Variants in DHRS3 observed in about 807,000 individuals in gnomAD.
The protein encoded by DHRS3 is short-chain dehydrogenase/reductase 3.
A neutral mutation model predicts 27.2 loss-of-function variants in DHRS3; 14 were observed. That is an observed-to-expected ratio of 0.52 (90% CI 0.34 to 0.81). The LOEUF (loss-of-function observed/expected upper bound fraction) is 0.81, where lower values mean the gene tolerates loss of function less well. Among genes scored for constraint, DHRS3 ranks in the 30% least tolerant of loss-of-function variants. DHRS3 has a pLI of 0.01. For missense variants in DHRS3, 322 were observed against 406.2 expected (o/e 0.79, Z 1.78); for synonymous variants, 165 against 175.9 (o/e 0.94, Z 0.49).
chr1:12,569,149 G>A (rs4525052), intron 5 of DHRS3, among the ~76,000 whole-genome samples: 23,988 of 151,824 alleles, frequency 0.16, 2,111 homozygotes, highest in East Asian at 0.27. Context: ...CCTGGGAGGC[G>A]GAGGTTTCGG....
chr1:12,617,328 G>A lies in DHRS3; in HGVS notation c.21C>T (p.Gly7=). Reference sequence around the variant, plus strand: ...TCTGTAGAGGGAACATCACCAGCGCGCCCAGCCGTTTCCACACCATCCTCC... The same window carrying A: ...TCTGTAGAGGGAACATCACCAGCGCACCCAGCCGTTTCCACACCATCCTCC... MVWKRL[G]ALVMFPLQMI... Residue 7 remains glycine (G), a synonymous_variant, in exon 1 of 6, where the codon GGC becomes GGT. Transcript: ENST00000616661. The A allele has an allele frequency of 6.2e-7, 1 of 1,603,306 alleles. No individual in the cohort carries two copies. Among genetic ancestry groups the A allele is most frequent in the Non-Finnish European group, 8.5e-7 (1 of 1,171,774 alleles).
chr1:12,614,880 C>A (rs372373589), intron 1 of DHRS3, among the ~76,000 whole-genome samples: 8 of 152,234 alleles, frequency 5.3e-5, no homozygotes, highest in Admixed American at 4.6e-4. Context: ...TTCCACACAG[C>A]CGCCCCCTGT....
rs115378547 is a variant in DHRS3, at chr1:12,605,131, G to T, written c.195+12023C>A. Among the ~76,000 whole-genome samples the T allele has an allele frequency of 3.8e-3, 566 of 149,486 alleles. 4 individuals are homozygous for T. Among genetic ancestry groups the T allele is most frequent in the African/African-American group, 0.012 (491 of 40,832 alleles). On this transcript the variant is annotated intron_variant, in intron 1 of 5. Transcript: ENST00000616661. ...AAGACAATGAATGTGCAAAAGCACT[G>T]TGCAGTCATGTAGAGTACCAAGTCA...
chr1:12,607,442 G>A (rs142323604), intron 1 of DHRS3, among the ~76,000 whole-genome samples: 88 of 152,248 alleles, frequency 5.8e-4, no homozygotes, highest in African/African-American at 1.7e-3. Context: ...GAGCTCTCAC[G>A]TGATCTGATG....
At chr1:12,587,151 T>C (rs997807704) in intron 1 of DHRS3, among the ~76,000 whole-genome samples, 12 of 151,036 alleles carry the variant, frequency 7.9e-5, no homozygotes, top group Non-Finnish European at 1.3e-4. Flanking sequence ...CTTTTTTTTT[T>C]TTTTTTTTTG....
chr1:12,575,767 T>C (rs111521165), intron 4 of DHRS3, among the ~76,000 whole-genome samples: 15,106 of 152,038 alleles, frequency 0.099, 1,411 homozygotes, highest in African/African-American at 0.24. Context: ...AGTGCAATTG[T>C]GCAATCTCAG....
intron 4 of DHRS3, among the ~76,000 whole-genome samples, chr1:12,576,972 G>A (rs372854633): frequency 4.0e-5 from 6 of 151,274 alleles, no homozygotes; most frequent in Non-Finnish European, 7.4e-5. Flanking sequence ...CACCAAGCCC[G>A]GTATTTTTGA....
In DHRS3 at chr1:12,589,628, G is replaced by A. The variant is rs551043478; in HGVS notation, c.196-8962C>T. Among the ~76,000 whole-genome samples, 23 of 152,082 alleles carry A rather than the reference G, an allele frequency of 1.5e-4. No homozygotes were observed. The South Asian group carries it at 2.1e-3, about 14-fold the overall frequency. On this transcript the variant is annotated intron_variant, in intron 1 of 5. Coordinates refer to ENST00000616661, the MANE Select transcript of DHRS3 (RefSeq NM_004753.7). ...TGGTGAATTACAGGTGTGAGCCACCGTGCCCAGCCTAAAACACCCACTTTG... is the reference window on the plus strand; with the variant it reads ...TGGTGAATTACAGGTGTGAGCCACCATGCCCAGCCTAAAACACCCACTTTG...
intron 1 of DHRS3, among the ~76,000 whole-genome samples, chr1:12,610,165 G>A (rs1646897494): frequency 1.3e-5 from 2 of 151,950 alleles, no homozygotes; most frequent in Admixed American, 6.6e-5. Flanking sequence ...TGCAACCTCC[G>A]CCTCCCAGGT....
chr1:12,600,424 C>T (rs566290303), intron 1 of DHRS3: 35 of 984,110 alleles, frequency 3.6e-5, no homozygotes, highest in African/African-American at 3.0e-4. Context: ...GGAAGTGGCC[C>T]GGAGAGGCCA....
chr1:12,575,478 G>A (rs558040354), intron 4 of DHRS3, among the ~76,000 whole-genome samples: 23 of 152,244 alleles, frequency 1.5e-4, no homozygotes, highest in Non-Finnish European at 2.9e-4. Flanking sequence ...GCTAAGCATG[G>A]TTGTAGGAGG....
In DHRS3 at chr1:12,585,130, AGAGT is replaced by A. The variant is rs559105218; in HGVS notation, c.196-4468_196-4465del. Among the ~76,000 whole-genome samples, 44 of 88,370 alleles carry A rather than the reference AGAGT, an allele frequency of 5.0e-4. No individual in the cohort carries two copies. In the South Asian group the frequency reaches 0.012, roughly 25 times the overall value. The allele number at this position is 88,370 out of a possible 152,430, so 58.0% of individuals were successfully genotyped here. The stretch of plus-strand genomic sequence containing the variant: ...GTGTCTGGGTGTCTCTGTGTGAGAG[AGAGT>A]GTGTGTGTGTCTCAGTGTGTCTCTG... On this transcript the variant is annotated intron_variant, in intron 1 of 5. Transcript: ENST00000616661.
chr1:12,583,670 T>C (rs1236549737), intron 1 of DHRS3, among the ~76,000 whole-genome samples: 1 of 133,204 alleles, frequency 7.5e-6, no homozygotes, highest in African/African-American at 2.9e-5. Context: ...ATCCATCCAT[T>C]CATCTGTCCA....
At position 12,598,581 on chromosome 1, in the gene DHRS3, T is replaced by C. The variant is rs1253751461; in HGVS notation, c.196-17915A>G. Among the ~76,000 whole-genome samples the C allele has an allele frequency of 2.0e-5, 3 of 152,346 alleles. No homozygotes were observed. The East Asian group carries it at 5.8e-4, about 29-fold the overall frequency. ...AACCATCATGAGGCTAGTTCTGGTC[T>C]CTTTATCCCACTGTGGTAACTATCA... On this transcript the variant is annotated intron_variant, in intron 1 of 5. Coordinates refer to ENST00000616661, the MANE Select transcript of DHRS3 (RefSeq NM_004753.7).
intron 1 of DHRS3, chr1:12,600,386 C>A: frequency 1.0e-6 from 1 of 985,440 alleles, no homozygotes; most frequent in Non-Finnish European, 1.2e-6. Context: ...CCCTTAAGGA[C>A]CCCGTCTCCT....
At chr1:12,583,358 C>T (rs879674660) in intron 1 of DHRS3, among the ~76,000 whole-genome samples, 45 of 124,746 alleles carry the variant, frequency 3.6e-4, no homozygotes, top group South Asian at 8.6e-4. Context: ...CATCCACCCA[C>T]CCATCCATTC....
intron 1 of DHRS3, among the ~76,000 whole-genome samples, chr1:12,603,990 T>C (rs1381755977): frequency 2.6e-5 from 4 of 152,182 alleles, no homozygotes; most frequent in Admixed American, 1.3e-4. Context: ...TGGGTTTTGA[T>C]TGTATCTAGT....
chr1:12,588,631 T>C (rs566459378), intron 1 of DHRS3, among the ~76,000 whole-genome samples: 1 of 152,096 alleles, frequency 6.6e-6, no homozygotes, highest in South Asian at 2.1e-4. Context: ...GGCACAAGAG[T>C]AAAAGCTCAG....
Position 12,591,409 on chromosome 1 carries a change from G to A in DHRS3, c.196-10743C>T, listed in dbSNP as rs186834212. On this transcript the variant is annotated intron_variant, in intron 1 of 5. Transcript: ENST00000616661. This position sits in a 1 kb window ranked among gnomAD's most constrained non-coding sequence, Gnocchi z 4.1. ...GCCTGCCGAGAATGTTTTGGCTACC[G>A]CTGGCTCAGCTGTTGGGGAGGATTG... Among the ~76,000 whole-genome samples, 8 of 152,346 alleles carry A rather than the reference G, an allele frequency of 5.3e-5. No individual in the cohort carries two copies. The highest frequency in any genetic ancestry group is 1.4e-4 in the African/African-American group (6 of 41,578).
Sources: gnomAD v4.1 joint callset for allele counts (sites outside exome capture counted in the v4.1 genomes callset) on GRCh38, gnomAD v4.1.1 for gene constraint, Gnocchi (gnomAD v3.1) non-coding constraint, MANE v1.5 for transcripts, NCBI Gene and HGNC (gene_info 2026-07-23, HGNC 2026-07-21) for gene names.